LIPK: variants seen among roughly 807,000 people sequenced by gnomAD.
LIPK encodes lipase member K.
LIPK carries 32 observed loss-of-function variants against 48.6 expected under a neutral mutation model. The observed-to-expected ratio is 0.66, with a 90% CI of 0.50 to 0.88. The LOEUF is 0.88. Ranked by LOEUF, LIPK falls within the 40% of genes least tolerant of loss-of-function variation. The probability of loss-of-function intolerance (pLI) is 0.00; values close to 1 mark genes in which losing one functional copy is unlikely to be tolerated. For synonymous variants in LIPK, 164 were observed against 157.4 expected, an observed-to-expected ratio of 1.04 and a Z score of -0.32; for missense variants, 507 against 478.5, an observed-to-expected ratio of 1.06 and a Z score of -0.56.
At chr10:88,738,467 T>C (rs551569769) in intron 7 of LIPK, among the ~76,000 whole-genome samples, 1 of 152,338 alleles carries the variant, frequency 6.6e-6, no homozygotes, top group African/African-American at 2.4e-5. Context: ...AAGCACTGAT[T>C]AAAATTTTTC....
At chr10:88,740,838 A>G (rs570351206) in intron 8 of LIPK, among the ~76,000 whole-genome samples, 89 of 152,188 alleles carry the variant, frequency 5.8e-4, no homozygotes, top group Non-Finnish European at 1.2e-3. Context: ...TTGCATTTTA[A>G]TATATATCCT....
At chr10:88,736,105 C>G (rs1187520429) in intron 6 of LIPK, among the ~76,000 whole-genome samples, 1 of 151,402 alleles carries the variant, frequency 6.6e-6, no homozygotes, top group Non-Finnish European at 1.5e-5. Flanking sequence ...TACTCCTCTT[C>G]CTGTCCAAGA....
At chr10:88,744,942 T>C (rs1842741596) in intron 9 of LIPK, among the ~76,000 whole-genome samples, 1 of 152,130 alleles carries the variant, frequency 6.6e-6, no homozygotes, top group Non-Finnish European at 1.5e-5. Context: ...ACCAAATTGA[T>C]CTGATAGAGC....
chr10:88,736,225 G>T (rs1033581404), intron 6 of LIPK, among the ~76,000 whole-genome samples: 2 of 151,952 alleles, frequency 1.3e-5, no homozygotes, highest in East Asian at 3.9e-4. Context: ...AAGAAAAAGG[G>T]AAGGGAAAGG....
Position 88,731,280 on chromosome 10 carries a change from A to G in LIPK, c.422+99A>G, listed in dbSNP as rs1474768314. On this transcript the variant is annotated intron_variant, in intron 4 of 9. Coordinates refer to ENST00000404190, the MANE Select transcript of LIPK (RefSeq NM_001080518.2). ...TCCTGTTTTGTGTCCAAATGCACCC[A>G]ATGGAATCCACAAGAAGGAAACAAA... The G allele has an allele frequency of 1.0e-5, 10 of 971,552 alleles. No individual in the cohort carries two copies. The African/African-American group carries it at 1.2e-4, about 12-fold the overall frequency. 60.2% of individuals were successfully genotyped at this position (971,552 alleles called of 1,614,324 possible).
At chr10:88,716,356 C>CTTTTTTTTTT (rs11374780) in intron 1 of LIPK, among the ~76,000 whole-genome samples, 1 of 120,338 alleles carries the variant, frequency 8.3e-6, no homozygotes, top group Non-Finnish European at 1.7e-5. Context: ...AGGAAAATTT[C>CTTTTTTTTTT]TTTTTTTTTT....
At chr10:88,719,600 C>T (rs1041142249) in intron 1 of LIPK, among the ~76,000 whole-genome samples, 2 of 152,118 alleles carry the variant, frequency 1.3e-5, no homozygotes, top group African/African-American at 4.8e-5. Flanking sequence ...AGAAACTGAC[C>T]CCTTTGCATT....
At chr10:88,728,551 G>T in intron 3 of LIPK, 2 of 406,286 alleles carry the variant, frequency 4.9e-6, no homozygotes, top group Admixed American at 2.5e-5. Context: ...GCCCTATAGC[G>T]GACCAAACAG....
At chr10:88,737,157 A>G (rs72822190) in intron 6 of LIPK, among the ~76,000 whole-genome samples, 1 of 152,296 alleles carries the variant, frequency 6.6e-6, no homozygotes, top group Non-Finnish European at 1.5e-5. Flanking sequence ...AATTACATTA[A>G]TTTATACTTT....
intron 2 of LIPK, among the ~76,000 whole-genome samples, 172 bp from the exon 3 acceptor site, chr10:88,726,623 G>T (rs931856095): frequency 1.3e-5 from 2 of 152,310 alleles, no homozygotes; most frequent in South Asian, 2.1e-4. Context: ...GAGCCGAGGA[G>T]GCGAAGGCTG....
At chr10:88,747,912 T>C (rs1236204598) in intron 9 of LIPK, among the ~76,000 whole-genome samples, 1 of 152,172 alleles carries the variant, frequency 6.6e-6, no homozygotes, top group African/African-American at 2.4e-5. Flanking sequence ...ACTGGGTATA[T>C]ACCCAAAGGA....
rs761308818 is a variant in LIPK at position 88,730,991 on chromosome 10, C to T, written c.232C>T (p.Pro78Ser). The change falls in exon 4 of 10, where the codon CCT (proline) becomes TCT (serine). Residue 78 changes from proline (P) to serine (S), a missense_variant. Coordinates refer to ENST00000404190, the MANE Select transcript of LIPK (RefSeq NM_001080518.2). Reference protein sequence around the residue: ...RGCPGRTAPKPAVYLQHGLIA... With the variant: ...RGCPGRTAPKSAVYLQHGLIA... ...TTGCCTGTGTTTTGCAGCTCCAAAG[C>T]CTGCTGTGTATTTGCAGCATGGCTT... The T allele has an allele frequency of 1.1e-5, 17 of 1,578,668 alleles. No individual in the cohort carries two copies. Among genetic ancestry groups the T allele is most frequent in the South Asian group, 2.4e-5 (2 of 84,804 alleles).
Position 88,726,749 on chromosome 10 carries a change from T to G in LIPK, c.106-46T>G, listed in dbSNP as rs1270213857. 7 of 912,132 alleles carry G rather than the reference T, an allele frequency of 7.7e-6. No homozygotes were observed. In the East Asian group the frequency reaches 1.0e-4, roughly 13 times the overall value. The allele number at this position is 912,132 out of a possible 1,614,324, so 56.5% of individuals were successfully genotyped here. On this transcript the variant is annotated intron_variant, in intron 2 of 9. Coordinates refer to ENST00000404190, the MANE Select transcript of LIPK (RefSeq NM_001080518.2). Reference sequence around the variant, plus strand: ...TATGTTGTAATTCATGTGTAAAAATTAAGAGATTATAACATGAAGGTATAT... The same window carrying G: ...TATGTTGTAATTCATGTGTAAAAATGAAGAGATTATAACATGAAGGTATAT...
chr10:88,714,994 A>C (rs1284311443), intron 1 of LIPK, among the ~76,000 whole-genome samples: 1 of 152,076 alleles, frequency 6.6e-6, no homozygotes, highest in Non-Finnish European at 1.5e-5. Flanking sequence ...CAGTTAAATC[A>C]CTAAATTTAT....
At chr10:88,739,561 G>T (rs1436949791) in intron 7 of LIPK, among the ~76,000 whole-genome samples, 1 of 152,158 alleles carries the variant, frequency 6.6e-6, no homozygotes, top group East Asian at 1.9e-4. Flanking sequence ...TTTCCTTAAA[G>T]AAAGGGAAAA....
At chr10:88,739,206 C>A (rs1211141173) in intron 7 of LIPK, among the ~76,000 whole-genome samples, 1 of 152,124 alleles carries the variant, frequency 6.6e-6, no homozygotes, top group Admixed American at 6.6e-5. Flanking sequence ...ATTTCAGAGT[C>A]CTGTAGAATA....
chr10:88,731,664 T>C (rs1842470992), intron 4 of LIPK, among the ~76,000 whole-genome samples: 1 of 152,216 alleles, frequency 6.6e-6, no homozygotes, highest in African/African-American at 2.4e-5. Flanking sequence ...CCTAATTCTA[T>C]GCCATAGTCC....
chr10:88,731,113 C>T lies in LIPK; in HGVS notation c.354C>T (p.Ser118=), dbSNP rs757325391. The T allele has an allele frequency of 1.2e-6, 2 of 1,605,966 alleles. No individual in the cohort carries two copies. The highest frequency in any genetic ancestry group is 4.5e-5 in the East Asian group (2 of 44,750). ...GTTATGACGTGTGGTTGGGGAACAG[C>T]CGAGGAAACACTTGGTCCAGAAAAC... The part of the protein sequence containing the change: ...DSGYDVWLGN[S]RGNTWSRKHL... Residue 118 remains serine, a synonymous_variant, in exon 4 of 10, where the codon AGC becomes AGT. Coordinates refer to ENST00000404190, the MANE Select transcript of LIPK (RefSeq NM_001080518.2).
At chr10:88,707,533 A>G (rs1841957802) in intron 1 of LIPK, among the ~76,000 whole-genome samples, 1 of 152,024 alleles carries the variant, frequency 6.6e-6, no homozygotes, top group African/African-American at 2.4e-5. Flanking sequence ...TGCTCTTTAA[A>G]TGTTTGTTAT....
Sources: gnomAD v4.1 joint callset for allele counts (sites outside exome capture counted in the v4.1 genomes callset) on GRCh38, gnomAD v4.1.1 for gene constraint, MANE v1.5 for transcripts, NCBI Gene and HGNC (gene_info 2026-07-23, HGNC 2026-07-21) for gene names.